Variants in MSH3 observed in about 807,000 individuals in gnomAD.
MSH3 encodes the protein mutS homolog 3.
In MSH3, 106 loss-of-function variants were observed where a neutral mutation model predicts 123.3. The ratio of observed to expected loss-of-function variants is 0.86; its 90% CI spans 0.73 to 1.01. The LOEUF (loss-of-function observed/expected upper bound fraction) is 1.01. Ranked by LOEUF, MSH3 falls within the 50% of genes least tolerant of loss-of-function variation. The pLI, the probability that MSH3 is intolerant of heterozygous loss-of-function variation, is 0.00. For synonymous variants in MSH3, 515 were observed against 481.4 expected, an observed-to-expected ratio of 1.07 and a Z score of -0.91; for missense variants, 1,459 against 1,347.6, an observed-to-expected ratio of 1.08 and a Z score of -1.29.
intron 8 of MSH3, among the ~76,000 whole-genome samples, chr5:80,691,924 T>TATAGATAAACGTGTATATGTTTAG (rs1750271264): frequency 7.6e-6 from 1 of 130,726 alleles, no homozygotes; most frequent in Admixed American, 8.3e-5. Flanking sequence ...TATATGTTTA[T>TATAGATAAACGTGTATATGTTTAG]ATAGATAAAC....
chr5:80,714,581 AT>A (rs1750920192), intron 8 of MSH3, among the ~76,000 whole-genome samples: 1 of 152,226 alleles, frequency 6.6e-6, no homozygotes, highest in African/African-American at 2.4e-5. Flanking sequence ...TAATATACAG[AT>A]TGCAGAACGA....
intron 22 of MSH3, 92 bp downstream of exon 22, chr5:80,865,034 A>G (rs1457314424): frequency 1.6e-6 from 2 of 1,259,296 alleles, no homozygotes; most frequent in Non-Finnish European, 1.2e-6. Context: ...CTTATTAATA[A>G]TGAAAGCTGT....
chr5:80,663,910 T>A (rs1421354405), intron 2 of MSH3, among the ~76,000 whole-genome samples: 1 of 152,164 alleles, frequency 6.6e-6, no homozygotes, highest in African/African-American at 2.4e-5. Flanking sequence ...ACACAACTCT[T>A]GCCCTCAGAG....
chr5:80,698,638 C>CGT (rs2112836163), intron 8 of MSH3, among the ~76,000 whole-genome samples: 1 of 151,878 alleles, frequency 6.6e-6, no homozygotes, highest in Non-Finnish European at 1.5e-5. Context: ...GCAGGACAGA[C>CGT]GTGTTTTGGA....
At chr5:80,868,275 C>G (rs1002656022) in intron 22 of MSH3, among the ~76,000 whole-genome samples, 1 of 151,892 alleles carries the variant, frequency 6.6e-6, no homozygotes, top group African/African-American at 2.4e-5. Flanking sequence ...TGGGTATATA[C>G]CCAGAGAAAT....
chr5:80,854,068 A>T, intron 20 of MSH3, 62 bp from the exon 21 acceptor site: 2 of 1,289,876 alleles, frequency 1.6e-6, no homozygotes, highest in Non-Finnish European at 1.1e-6. Flanking sequence ...TCATAAAATA[A>T]TGTTCGGCTT....
intron 21 of MSH3, among the ~76,000 whole-genome samples, chr5:80,862,076 T>A (rs961569083): frequency 9.9e-5 from 15 of 151,974 alleles, no homozygotes; most frequent in Admixed American, 4.6e-4. Flanking sequence ...AAAGGAGCAA[T>A]AAGGGAGGTC....
At position 80,873,167 on chromosome 5, in the gene MSH3, G is replaced by A. The variant is rs1746251054; in HGVS notation, c.3182G>A (p.Arg1061Lys). Residue 1061 changes from arginine to lysine, a missense_variant, in exon 23 of 24, where the codon AGA (arginine) becomes AAA (lysine). Transcript: ENST00000265081. The stretch of plus-strand genomic sequence containing the variant: ...GTCACCTTCCTTTACCAAATAACTA[G>A]AGGAATTGCAGCAAGGAGTTATGGA... ...DFVTFLYQIT[R>K]GIAARSYGLN... 6.2e-7 allele frequency: 1 copy of A among 1,613,682 alleles called. No homozygotes were observed. Among genetic ancestry groups the A allele is most frequent in the Non-Finnish European group, 8.5e-7 (1 of 1,179,674 alleles).
intron 12 of MSH3, among the ~76,000 whole-genome samples, chr5:80,746,187 C>T (rs140545192): frequency 8.5e-5 from 13 of 152,324 alleles, no homozygotes; most frequent in African/African-American, 3.1e-4. Context: ...TCCGTATTCA[C>T]ACCACACATT....
rs80350494 is a variant in MSH3, at chr5:80,789,013, G to A, written c.2543+1341G>A. Among the ~76,000 whole-genome samples the A allele has an allele frequency of 9.8e-3, 1,495 of 152,156 alleles. 29 individuals are homozygous for A. The highest frequency in any genetic ancestry group is 0.034 in the African/African-American group (1,425 of 41,510). On this transcript the variant is annotated intron_variant, in intron 18 of 23. Coordinates refer to ENST00000265081, the MANE Select transcript of MSH3 (RefSeq NM_002439.5). ...CCTTTGCATCCTATTCTGCCAGGAA[G>A]CGTTTTGTCATTATATAATTTTGAT...
At chr5:80,725,836 C>T (rs919168535) in intron 9 of MSH3, among the ~76,000 whole-genome samples, 4 of 152,078 alleles carry the variant, frequency 2.6e-5, no homozygotes, top group Non-Finnish European at 5.9e-5. Flanking sequence ...GGCAACAAAG[C>T]GAGATCCTGT....
At chr5:80,735,153 G>A (rs554941784) in intron 10 of MSH3, among the ~76,000 whole-genome samples, 124 of 152,236 alleles carry the variant, frequency 8.1e-4, no homozygotes, top group Non-Finnish European at 1.6e-3. Flanking sequence ...GGAGGGTGAG[G>A]TGGGCAGATC....
chr5:80,748,550 T>C (rs759678540), intron 12 of MSH3, among the ~76,000 whole-genome samples: 58 of 152,114 alleles, frequency 3.8e-4, no homozygotes, highest in Non-Finnish European at 6.5e-4. Flanking sequence ...TTCAGTGTAG[T>C]TGTTTTTTAA....
intron 19 of MSH3, among the ~76,000 whole-genome samples, chr5:80,795,517 G>A (rs1580055088): frequency 6.6e-6 from 1 of 152,110 alleles, no homozygotes; most frequent in Admixed American, 6.5e-5. Flanking sequence ...CACAGTGGAA[G>A]GGATAAGGGG....
intron 19 of MSH3, among the ~76,000 whole-genome samples, chr5:80,805,438 A>T (rs909991916): frequency 2.6e-5 from 4 of 152,184 alleles, no homozygotes; most frequent in African/African-American, 9.7e-5. Flanking sequence ...ATACATTAGA[A>T]TTTATTCATT....
chr5:80,715,973 G>A (rs150442629), intron 8 of MSH3, among the ~76,000 whole-genome samples: 1 of 152,202 alleles, frequency 6.6e-6, no homozygotes, highest in East Asian at 1.9e-4. Flanking sequence ...GGGAGCTATT[G>A]AAGGAGTCAG....
intron 20 of MSH3, among the ~76,000 whole-genome samples, 193 bp from the exon 21 acceptor site, chr5:80,853,937 A>G (rs1481222641): frequency 2.6e-5 from 4 of 152,196 alleles, no homozygotes; most frequent in African/African-American, 7.2e-5. Flanking sequence ...GAATGTTCCT[A>G]CAAAGTACAG....
chr5:80,768,698 A>AT, intron 14 of MSH3, 137 bp from the exon 15 acceptor site: 4 of 718,472 alleles, frequency 5.6e-6, no homozygotes, highest in Non-Finnish European at 9.5e-6. Flanking sequence ...AAACAAATCC[A>AT]TAAGTGCTTA....
chr5:80,807,576 G>A (rs539514737), intron 19 of MSH3, among the ~76,000 whole-genome samples: 16 of 152,262 alleles, frequency 1.1e-4, no homozygotes, highest in Non-Finnish European at 1.9e-4. Flanking sequence ...TAATACGTGC[G>A]GCAGATTTGT....
Sources: allele counts gnomAD v4.1 joint callset (sites outside exome capture counted in the v4.1 genomes callset), GRCh38; gene constraint gnomAD v4.1.1; transcripts MANE v1.5; gene names NCBI Gene and HGNC (gene_info 2026-07-23, HGNC 2026-07-21).